The following WASHC3 variants were observed in gnomAD, a reference collection of about 807,000 sequenced individuals.
WASHC3 encodes the protein WASH complex subunit 3.
In WASHC3, 24 loss-of-function variants were observed where a neutral mutation model predicts 26.1. The observed-to-expected ratio is 0.92, with a 90% CI of 0.66 to 1.29. The LOEUF is 1.29. WASHC3 is among the 50% of genes most tolerant of loss of function. WASHC3 has a pLI of 0.00. For synonymous variants in WASHC3, 77 were observed against 75.7 expected (o/e 1.02, Z -0.09); for missense variants, 214 against 229.6 (o/e 0.93, Z 0.44).
intron 4 of WASHC3, 46 bp downstream of exon 4, chr12:102,044,059 T>C (rs1285898731): frequency 3.2e-6 from 3 of 931,996 alleles, no homozygotes; most frequent in Non-Finnish European, 5.0e-6. Flanking sequence ...CTTAACACTA[T>C]CAGTTTCAAC....
At chr12:102,041,337 A>C (rs1409248155) in intron 4 of WASHC3, among the ~76,000 whole-genome samples, 1 of 152,006 alleles carries the variant, frequency 6.6e-6, no homozygotes, top group Non-Finnish European at 1.5e-5. Flanking sequence ...GACCTCAACA[A>C]GGTTTAATTA....
At chr12:102,030,227 G>T (rs957819669) in intron 5 of WASHC3, among the ~76,000 whole-genome samples, 1 of 151,186 alleles carries the variant, frequency 6.6e-6, no homozygotes, top group Non-Finnish European at 1.5e-5. Flanking sequence ...CCCAGGAGGC[G>T]GAGGTTGCGG....
chr12:102,059,316 T>TAA (rs1433294161), intron 2 of WASHC3, among the ~76,000 whole-genome samples: 1 of 152,206 alleles, frequency 6.6e-6, no homozygotes, highest in African/African-American at 2.4e-5. Context: ...AAATACAATT[T>TAA]TTACCTGTCA....
rs1876539287 is a variant in WASHC3 at position 102,012,938 on chromosome 12, A to G, written c.*170T>C. ...AGGCCCTTTATTTTAGCAACAAGAC[A>G]TACTGGCAGGTTAAAACTGCTTTAT... is the stretch of plus-strand genomic sequence containing the variant. On this transcript the variant is annotated 3_prime_UTR_variant, in exon 7 of 7. Transcript: ENST00000240079. 5 of 483,712 alleles carry G rather than the reference A, an allele frequency of 1.0e-5. No homozygotes were observed. The highest frequency in any genetic ancestry group is 3.9e-5 in the Admixed American group (1 of 25,854). 30.0% of individuals were successfully genotyped at this position (483,712 alleles called of 1,614,324 possible).
At chr12:102,017,790 T>C (rs1482979724) in intron 6 of WASHC3, 1 of 438,614 alleles carries the variant, frequency 2.3e-6, no homozygotes, top group Non-Finnish European at 4.5e-6. Flanking sequence ...TTCATTTTTT[T>C]CTTTTTTTAA....
chr12:102,048,716 G>T (rs1352565804), intron 2 of WASHC3, among the ~76,000 whole-genome samples: 2 of 151,614 alleles, frequency 1.3e-5, no homozygotes, highest in Admixed American at 6.6e-5. Flanking sequence ...CATATGAAAG[G>T]ATTATATAAT....
chr12:102,022,976 T>C (rs755356730), intron 6 of WASHC3, among the ~76,000 whole-genome samples: 6 of 151,582 alleles, frequency 4.0e-5, no homozygotes, highest in Non-Finnish European at 8.8e-5. Flanking sequence ...TCGGTGGTAC[T>C]GAAATTAATT....
At chr12:102,050,459 C>T (rs1329019754) in intron 2 of WASHC3, 1 of 330,816 alleles carries the variant, frequency 3.0e-6, no homozygotes, top group Non-Finnish European at 5.8e-6. Flanking sequence ...CTCTAACACA[C>T]ACACACACAC....
At chr12:102,047,017 C>G (rs749240213) in intron 2 of WASHC3, among the ~76,000 whole-genome samples, 70 of 152,076 alleles carry the variant, frequency 4.6e-4, no homozygotes, top group Non-Finnish European at 8.4e-4. Flanking sequence ...TATCAAAATG[C>G]AAGATAAACC....
intron 5 of WASHC3, among the ~76,000 whole-genome samples, chr12:102,031,835 A>T (rs1877451017): frequency 6.6e-6 from 1 of 152,144 alleles, no homozygotes; most frequent in African/African-American, 2.4e-5. Context: ...TATTAAGCTA[A>T]ATCTGTAACA....
chr12:102,055,675 T>C (rs1878566679), intron 2 of WASHC3, among the ~76,000 whole-genome samples: 1 of 152,208 alleles, frequency 6.6e-6, no homozygotes, highest in Non-Finnish European at 1.5e-5. Context: ...AAGAAGTATC[T>C]GAATATGGGA....
intron 4 of WASHC3, 37 bp downstream of exon 4, chr12:102,044,068 A>C (rs1239148452): frequency 8.9e-7 from 1 of 1,128,610 alleles, no homozygotes. Context: ...ATCAGTTTCA[A>C]CCAAGAACAT....
intron 2 of WASHC3, chr12:102,048,263 TA>T (rs1167413133): frequency 6.6e-6 from 1 of 151,770 alleles, no homozygotes; most frequent in African/African-American, 2.4e-5. Flanking sequence ...CAGCATTGTT[TA>T]AAAACATAGT....
At chr12:102,032,933 G>A (rs1221863978) in intron 5 of WASHC3, among the ~76,000 whole-genome samples, 2 of 152,098 alleles carry the variant, frequency 1.3e-5, no homozygotes, top group Middle Eastern at 3.2e-3. Context: ...GACAGAAAAA[G>A]GCATGGAGAC....
At chr12:102,050,329 A>C (rs1368970552) in intron 2 of WASHC3, 1 of 449,922 alleles carries the variant, frequency 2.2e-6, no homozygotes, top group African/African-American at 2.0e-5. Flanking sequence ...GAATTAAAAT[A>C]ACATTCTGGC....
At chr12:102,026,116 C>T in intron 5 of WASHC3, 78 bp from the exon 6 acceptor site, 1 of 709,636 alleles carries the variant, frequency 1.4e-6, no homozygotes, top group East Asian at 2.8e-5. Flanking sequence ...TAAAACAAGA[C>T]CTTCAGATGC....
intron 2 of WASHC3, among the ~76,000 whole-genome samples, chr12:102,055,514 T>C (rs1392760154): frequency 6.6e-6 from 1 of 152,106 alleles, no homozygotes; most frequent in Non-Finnish European, 1.5e-5. Flanking sequence ...CCCAGTTAAT[T>C]TTTGTATTTT....
At chr12:102,027,616 G>A (rs907419683) in intron 5 of WASHC3, among the ~76,000 whole-genome samples, 1 of 151,992 alleles carries the variant, frequency 6.6e-6, no homozygotes, top group Non-Finnish European at 1.5e-5. Flanking sequence ...CAAAAAAACT[G>A]TCCAGAAAAG....
At chr12:102,046,981 G>GA (rs1216691404) in intron 2 of WASHC3, among the ~76,000 whole-genome samples, 1 of 152,088 alleles carries the variant, frequency 6.6e-6, no homozygotes, top group Non-Finnish European at 1.5e-5. Flanking sequence ...AAAGAGAAGA[G>GA]AAAAAACTAG....
Sources: gnomAD v4.1 joint callset for allele counts (sites outside exome capture counted in the v4.1 genomes callset) on GRCh38, gnomAD v4.1.1 for gene constraint, MANE v1.5 for transcripts, NCBI Gene and HGNC (gene_info 2026-07-23, HGNC 2026-07-21) for gene names.